EYS: variants seen among roughly 807,000 people sequenced by gnomAD.
EYS encodes EGF-like photoreceptor maintenance factor.
In EYS, 250 loss-of-function variants were observed where a neutral mutation model predicts 282.1. The observed-to-expected ratio is 0.89, with a 90% CI of 0.80 to 0.98. The LOEUF (loss-of-function observed/expected upper bound fraction) is 0.98, where lower values mean the gene tolerates loss of function less well. Ranked by LOEUF, EYS falls within the 50% of genes least tolerant of loss-of-function variation. EYS has a pLI of 0.00. For synonymous variants in EYS, 1,355 were observed against 1,282.9 expected (o/e 1.06, Z -1.20); for missense variants, 4,016 against 3,709.0 (o/e 1.08, Z -2.15).
chr6:63,836,723 CAAAT>C (rs1175366483), intron 36 of EYS, among the ~76,000 whole-genome samples: 1 of 151,868 alleles, frequency 6.6e-6, no homozygotes, highest in African/African-American at 2.4e-5. Context: ...TTGCACCAAC[CAAAT>C]AGTTATTGAA....
intron 33 of EYS, among the ~76,000 whole-genome samples, chr6:64,046,151 A>G (rs558485832): frequency 2.0e-5 from 3 of 149,984 alleles, no homozygotes; most frequent in Non-Finnish European, 4.4e-5. Flanking sequence ...TTTTACATAT[A>G]TAAAATACAT....
chr6:64,307,554 C>T (rs1769500593), intron 29 of EYS, among the ~76,000 whole-genome samples: 1 of 151,874 alleles, frequency 6.6e-6, no homozygotes, highest in Non-Finnish European at 1.5e-5. Flanking sequence ...AGGTCTGAGG[C>T]TGTGGGTGGG....
At chr6:64,031,927 C>T (rs10944297) in intron 33 of EYS, among the ~76,000 whole-genome samples, 46,431 of 152,004 alleles carry the variant, frequency 0.31, 7,366 homozygotes, top group Middle Eastern at 0.38. Context: ...GCAACCTGCT[C>T]TGGTCCCCTT....
chr6:64,318,521 G>A (rs1304816886), intron 29 of EYS, among the ~76,000 whole-genome samples: 1 of 151,816 alleles, frequency 6.6e-6, no homozygotes, highest in Non-Finnish European at 1.5e-5. Flanking sequence ...TTAAAATCAT[G>A]TATCTAATCA....
intron 30 of EYS, among the ~76,000 whole-genome samples, chr6:64,257,987 C>T (rs1342603323): frequency 1.3e-5 from 2 of 151,954 alleles, no homozygotes; most frequent in Non-Finnish European, 2.9e-5. Context: ...ACTCTCACGC[C>T]ACCATCTTCA....
intron 5 of EYS, among the ~76,000 whole-genome samples, chr6:65,458,312 T>C (rs1764703674): frequency 6.6e-6 from 1 of 152,146 alleles, no homozygotes. Context: ...TGTATACATT[T>C]CTGTCTTCAT....
chr6:65,273,555 C>T (rs1237740124), intron 12 of EYS, among the ~76,000 whole-genome samples: 1 of 152,128 alleles, frequency 6.6e-6, no homozygotes, highest in East Asian at 1.9e-4. Context: ...CAGACACCCC[C>T]AATCCAGAGC....
intron 26 of EYS, among the ~76,000 whole-genome samples, chr6:64,505,062 A>T (rs1489813379): frequency 2.0e-5 from 3 of 152,244 alleles, no homozygotes; most frequent in African/African-American, 7.2e-5. Flanking sequence ...AACAAATAGC[A>T]TATGCTTAAT....
chr6:64,449,952 C>T (rs926726501), intron 26 of EYS, among the ~76,000 whole-genome samples: 3 of 151,986 alleles, frequency 2.0e-5, no homozygotes, highest in Admixed American at 6.6e-5. Context: ...CACCAACTAA[C>T]GAGCAAAATA....
chr6:64,371,600 T>A (rs1272674077), intron 29 of EYS, among the ~76,000 whole-genome samples: 1 of 152,152 alleles, frequency 6.6e-6, no homozygotes, highest in Admixed American at 6.5e-5. Context: ...TGTCTAATAC[T>A]GTCAATGGGG....
intron 35 of EYS, among the ~76,000 whole-genome samples, chr6:63,872,685 G>T (rs548834191): frequency 1.3e-5 from 2 of 151,716 alleles, no homozygotes; most frequent in Admixed American, 1.3e-4. Context: ...TGCCATGTTG[G>T]CCAGGATGGT....
chr6:65,028,021 C>T lies in EYS; in HGVS notation c.2137+29593G>A, dbSNP rs73765722. Among the ~76,000 whole-genome samples the T allele has an allele frequency of 6.3e-3, 963 of 152,224 alleles. 18 individuals carry two copies. Among genetic ancestry groups the T allele is most frequent in the African/African-American group, 0.021 (861 of 41,560 alleles). On this transcript the variant is annotated intron_variant, in intron 13 of 42. Transcript: ENST00000503581. ...AGTCTGCTTTACTATCCTGCATTCC[C>T]ATCATCAATGACTACACTTTGAGTT...
At chr6:65,321,748 G>C (rs1446040979) in intron 11 of EYS, among the ~76,000 whole-genome samples, 1 of 152,164 alleles carries the variant, frequency 6.6e-6, no homozygotes. Flanking sequence ...TGCCTTTTCT[G>C]ACTGGCACAA....
intron 7 of EYS, among the ~76,000 whole-genome samples, chr6:65,391,136 T>A (rs1766013905): frequency 6.6e-6 from 1 of 151,994 alleles, no homozygotes; most frequent in African/African-American, 2.4e-5. Context: ...AATTAATACA[T>A]TGAAGGAAGG....
intron 5 of EYS, among the ~76,000 whole-genome samples, chr6:65,408,317 A>G (rs1477555183): frequency 1.3e-5 from 2 of 152,072 alleles, no homozygotes; most frequent in Non-Finnish European, 1.5e-5. Context: ...TGACTTCAAA[A>G]GTGTTCCTTT....
At chr6:65,329,379 C>G (rs1562099116) in intron 11 of EYS, 1 of 880,892 alleles carries the variant, frequency 1.1e-6, no homozygotes, top group Non-Finnish European at 1.4e-6. Flanking sequence ...TGAATGATTT[C>G]TATATCATTT....
chr6:65,478,210 G>C (rs1295442528), intron 5 of EYS, among the ~76,000 whole-genome samples: 1 of 151,548 alleles, frequency 6.6e-6, no homozygotes, highest in Non-Finnish European at 1.5e-5. Context: ...TGACAGCAGA[G>C]AAAATATGAA....
intron 5 of EYS, among the ~76,000 whole-genome samples, chr6:65,441,970 C>T (rs1227966658): frequency 1.2e-4 from 19 of 152,002 alleles, no homozygotes; most frequent in Non-Finnish European, 1.0e-4. Context: ...TAGAGGCCTT[C>T]TGGAGATCTT....
At chr6:64,058,836 C>T (rs1771070132) in intron 33 of EYS, among the ~76,000 whole-genome samples, 1 of 152,142 alleles carries the variant, frequency 6.6e-6, no homozygotes, top group Admixed American at 6.6e-5. Flanking sequence ...TACTCTGCCA[C>T]TGCACAAAAA....
Sources: allele counts gnomAD v4.1 joint callset (sites outside exome capture counted in the v4.1 genomes callset), GRCh38; gene constraint gnomAD v4.1.1; transcripts MANE v1.5; gene names NCBI Gene and HGNC (gene_info 2026-07-23, HGNC 2026-07-21).